Variants in FIGN observed in about 807,000 individuals in gnomAD.
The protein encoded by FIGN is fidgetin.
A neutral mutation model predicts 51.3 loss-of-function variants in FIGN; 11 were observed. That is an observed-to-expected ratio of 0.21 (90% CI 0.13 to 0.35). FIGN has a LOEUF of 0.35. Among genes scored for constraint, FIGN ranks in the 10% least tolerant of loss-of-function variants. The pLI, the probability that FIGN is intolerant of heterozygous loss-of-function variation, is 1.00. For missense variants in FIGN, 857 were observed against 943.6 expected (o/e 0.91, Z 1.20); for synonymous variants, 407 against 363.2 (o/e 1.12, Z -1.37).
In FIGN at chr2:163,611,193, A is replaced by G. The variant is rs1254249437; in HGVS notation, c.639T>C (p.Pro213=). 6 of 1,614,096 alleles carry G rather than the reference A, an allele frequency of 3.7e-6. No individual in the cohort carries two copies. Among genetic ancestry groups the G allele is most frequent in the Non-Finnish European group, 5.1e-6 (6 of 1,180,004 alleles). Reference sequence around the variant, plus strand: ...GCTGTAGTAGCCCAGAGCTATGCAAAGGAGACGGATGAGGTGAAGGAAGTG... The same window carrying G: ...GCTGTAGTAGCCCAGAGCTATGCAAGGGAGACGGATGAGGTGAAGGAAGTG... ...APALPSPHPS[P]LHSSGLLQPP... Residue 213 remains proline (P), a synonymous_variant, in exon 3 of 3, where the codon CCT becomes CCC. Coordinates refer to ENST00000333129, the MANE Select transcript of FIGN (RefSeq NM_018086.4).
intron 2 of FIGN, among the ~76,000 whole-genome samples, chr2:163,728,397 A>AACACACAC (rs60526284): frequency 1.7e-4 from 24 of 141,932 alleles, no homozygotes; most frequent in African/African-American, 5.2e-4. Context: ...CAAACCATTA[A>AACACACAC]ACACACACAC....
chr2:163,686,543 G>A (rs1013183269), intron 2 of FIGN, among the ~76,000 whole-genome samples: 2 of 152,046 alleles, frequency 1.3e-5, no homozygotes, highest in Non-Finnish European at 2.9e-5. Flanking sequence ...AAGTGTGGGC[G>A]AAACTGCCTT....
intron 2 of FIGN, among the ~76,000 whole-genome samples, chr2:163,630,577 C>A (rs1045348663): frequency 6.7e-6 from 1 of 150,338 alleles, no homozygotes; most frequent in South Asian, 2.1e-4. Flanking sequence ...AGTGGACAAC[C>A]TTTCTATTGC....
chr2:163,720,573 CA>C (rs1462052581), intron 2 of FIGN, among the ~76,000 whole-genome samples: 1 of 152,138 alleles, frequency 6.6e-6, no homozygotes, highest in East Asian at 1.9e-4. Flanking sequence ...ACTGACACTT[CA>C]ACTGAATATC....
intron 2 of FIGN, among the ~76,000 whole-genome samples, chr2:163,722,332 A>G (rs1684770934): frequency 6.6e-6 from 1 of 152,190 alleles, no homozygotes; most frequent in South Asian, 2.1e-4. Context: ...TTGAATACTG[A>G]TAGTGCACAT....
At chr2:163,613,396 A>G (rs893416113) in intron 2 of FIGN, among the ~76,000 whole-genome samples, 1 of 152,008 alleles carries the variant, frequency 6.6e-6, no homozygotes, top group African/African-American at 2.4e-5. Flanking sequence ...CTGAATTACT[A>G]CAGTCTATTT....
rs767817008 is a variant in FIGN, at chr2:163,611,487, T to C, written c.345A>G (p.Ser115=). 5.0e-6 allele frequency: 8 copies of C among 1,614,210 alleles called. No individual in the cohort carries two copies. The East Asian group carries it at 8.9e-5, about 18-fold the overall frequency. Residue 115 remains serine (S), a synonymous_variant, in exon 3 of 3, where the codon TCA becomes TCG. Transcript: ENST00000333129. ...CACAGTTCATGGGATAAACAGCTTC[T>C]GAATTCAAGGAAGGCTGCCAGGGTT... ...ESEPWQPSLN[S]EAVYPMNCVP...
chr2:163,729,145 G>A (rs1480346354), intron 2 of FIGN, among the ~76,000 whole-genome samples: 1 of 152,012 alleles, frequency 6.6e-6, no homozygotes, highest in African/African-American at 2.4e-5. Context: ...TGTTTAAAAA[G>A]CATCCAGTTG....
At chr2:163,658,212 T>G (rs1484837460) in intron 2 of FIGN, among the ~76,000 whole-genome samples, 3 of 152,030 alleles carry the variant, frequency 2.0e-5, no homozygotes, top group Admixed American at 2.0e-4. Flanking sequence ...TCTTTACACA[T>G]CTCACAGGCC....
intron 2 of FIGN, among the ~76,000 whole-genome samples, chr2:163,709,489 C>T (rs1234856412): frequency 6.6e-6 from 1 of 152,090 alleles, no homozygotes; most frequent in Non-Finnish European, 1.5e-5. Flanking sequence ...GATAATCAAG[C>T]AGACCTTAGT....
intron 2 of FIGN, among the ~76,000 whole-genome samples, chr2:163,662,985 C>T (rs1683714186): frequency 6.6e-6 from 1 of 152,192 alleles, no homozygotes; most frequent in Non-Finnish European, 1.5e-5. Context: ...ACTGTAAGTC[C>T]AATTAAACCT....
chr2:163,644,494 T>C (rs1157221589), intron 2 of FIGN, among the ~76,000 whole-genome samples: 1 of 152,272 alleles, frequency 6.6e-6, no homozygotes, highest in East Asian at 1.9e-4. Flanking sequence ...AAATGTGAAG[T>C]GCGGCTACTT....
intron 2 of FIGN, among the ~76,000 whole-genome samples, chr2:163,670,977 G>A: frequency 6.6e-6 from 1 of 152,168 alleles, no homozygotes; most frequent in East Asian, 1.9e-4. Context: ...AGCATAATTA[G>A]CTCATCAATA....
chr2:163,641,266 T>C (rs1247167674), intron 2 of FIGN, among the ~76,000 whole-genome samples: 2 of 152,194 alleles, frequency 1.3e-5, no homozygotes, highest in Non-Finnish European at 2.9e-5. Flanking sequence ...AGTTTAAACT[T>C]ATATAAAGAA....
At chr2:163,616,971 G>A (rs1682888584) in intron 2 of FIGN, 1 of 369,714 alleles carries the variant, frequency 2.7e-6, no homozygotes, top group Non-Finnish European at 3.7e-6. Flanking sequence ...CTGCAAACTG[G>A]CCCTGTGCAA....
At chr2:163,629,952 CTTTTTTTTTTTT>C (rs71297448) in intron 2 of FIGN, among the ~76,000 whole-genome samples, 28 of 56,926 alleles carry the variant, frequency 4.9e-4, no homozygotes, top group African/African-American at 1.3e-3. Context: ...GAAAGGGGCA[CTTTTTTTTTTTT>C]TTTTTTTTTT....
chr2:163,734,153 A>C (rs1684975334), intron 2 of FIGN, among the ~76,000 whole-genome samples: 1 of 152,058 alleles, frequency 6.6e-6, no homozygotes, highest in Non-Finnish European at 1.5e-5. Flanking sequence ...GCGATTTCAA[A>C]CGAAGTCAAT....
At position 163,606,442 on chromosome 2, in the gene FIGN, C is replaced by T. The variant is rs1038302233; in HGVS notation, c.*3110G>A. The stretch of plus-strand genomic sequence containing the variant: ...GGGCTGTAAAGTGGAATGGCTCAAT[C>T]TCTTAGCCAGACAGTGAGGGATTTG... On this transcript the variant is annotated 3_prime_UTR_variant, in exon 3 of 3. Coordinates refer to ENST00000333129, the MANE Select transcript of FIGN (RefSeq NM_018086.4). 6.6e-6 allele frequency: 1 copy of T among 152,188 alleles called. No homozygotes were observed. The highest frequency in any genetic ancestry group is 2.4e-5 in the African/African-American group (1 of 41,448). The allele number at this position is 152,188 out of a possible 1,614,324, so 9.4% of individuals were successfully genotyped here.
At chr2:163,733,874 A>G (rs948968211) in intron 2 of FIGN, among the ~76,000 whole-genome samples, 2 of 136,712 alleles carry the variant, frequency 1.5e-5, no homozygotes, top group African/African-American at 5.5e-5. Context: ...CTTTTTTCAT[A>G]TTCTCTCTTT....
Sources: allele counts gnomAD v4.1 joint callset (sites outside exome capture counted in the v4.1 genomes callset), GRCh38; gene constraint gnomAD v4.1.1; transcripts MANE v1.5; gene names NCBI Gene and HGNC (gene_info 2026-07-23, HGNC 2026-07-21).